FGD1: variants seen among roughly 807,000 people sequenced by gnomAD.
FGD1 encodes the protein FYVE, RhoGEF and PH domain containing 1, also known as FYVE, RhoGEF and PH domain-containing protein 1.
FGD1 carries 12 observed loss-of-function variants against 65.0 expected under a neutral mutation model. That is an observed-to-expected ratio of 0.18 (90% CI 0.12 to 0.30). The LOEUF (loss-of-function observed/expected upper bound fraction) is 0.30, where lower values mean the gene tolerates loss of function less well. Among genes scored for constraint, FGD1 ranks in the 10% least tolerant of loss-of-function variants. The probability of loss-of-function intolerance (pLI) is 1.00; values close to 1 mark genes in which losing one functional copy is unlikely to be tolerated. For missense variants in FGD1, 542 were observed against 837.6 expected, an observed-to-expected ratio of 0.65 and a Z score of 4.36; for synonymous variants, 333 against 343.9, an observed-to-expected ratio of 0.97 and a Z score of 0.35.
At chrX:54,482,234 G>GCACACACA (rs1287986195) in intron 1 of FGD1, among the ~76,000 whole-genome samples, 8 of 70,251 alleles carry the variant, frequency 1.1e-4, no homozygotes, top group South Asian at 5.8e-4. Context: ...GCGCACACGC[G>GCACACACA]CGCACACACA....
chrX:54,473,675 C>G (rs984265173), intron 1 of FGD1, among the ~76,000 whole-genome samples: 1 of 112,600 alleles, frequency 8.9e-6, no homozygotes, highest in African/African-American at 3.2e-5. Flanking sequence ...TATAAGTAAT[C>G]TGGCGATGAT....
In FGD1 at chrX:54,470,136, G is replaced by T; in HGVS notation, c.981C>A (p.Pro327=). 8.3e-7 allele frequency: 1 copy of T among 1,210,386 alleles called. No homozygotes were observed. The highest frequency in any genetic ancestry group is 1.7e-5 in the African/African-American group (1 of 57,794). ...LASVPVALAD[P]HRPGSQEVDS... is the part of the protein sequence containing the mutation. The stretch of plus-strand genomic sequence containing the variant: ...CAACCTCTTGGGAGCCAGGCCGGTG[G>T]GGGTCGGCCAAGGCAACAGGCACAC... Residue 327 remains proline (P), a synonymous_variant, in exon 4 of 18, where the codon CCC becomes CCA. Transcript: ENST00000375135.
At chrX:54,456,805 G>T (rs1337135434) in intron 8 of FGD1, among the ~76,000 whole-genome samples, 4 of 110,210 alleles carry the variant, frequency 3.6e-5, no homozygotes, top group African/African-American at 1.3e-4. Context: ...GCTAATTTTT[G>T]TATTTTTAGT....
In FGD1 at chrX:54,447,380, T is replaced by C. The variant is rs1390875564; in HGVS notation, c.2511A>G (p.Gly837=). 5 of 1,210,401 alleles carry C rather than the reference T, an allele frequency of 4.1e-6. No individual in the cohort carries two copies. Among genetic ancestry groups the C allele is most frequent in the Non-Finnish European group, 3.4e-6 (3 of 895,119 alleles). Reference sequence around the variant, plus strand: ...GGACCACGAACCATGCCTTGTGCCATCCTTTGCCACCCTTCTCCATGTAGT... The same window carrying C: ...GGACCACGAACCATGCCTTGTGCCACCCTTTGCCACCCTTCTCCATGTAGT... ...FLHYMEKGGK[G]WHKAWFVVPE... The change falls in exon 17 of 18, where the codon GGA becomes GGG. Residue 837 remains glycine, a synonymous_variant. Coordinates refer to ENST00000375135, the MANE Select transcript of FGD1 (RefSeq NM_004463.3).
intron 12 of FGD1, among the ~76,000 whole-genome samples, chrX:54,453,382 G>GC (rs1166879207): frequency 4.5e-5 from 5 of 111,252 alleles, no homozygotes; most frequent in African/African-American, 1.6e-4. Context: ...CAGGCCATCT[G>GC]CTGACATGCA....
chrX:54,474,172 G>A (rs952733801), intron 1 of FGD1, among the ~76,000 whole-genome samples: 2 of 111,547 alleles, frequency 1.8e-5, no homozygotes, highest in Non-Finnish European at 3.8e-5. Context: ...CATCCACGGT[G>A]TCCCTGGGTC....
chrX:54,494,806 T>A (rs1923491013), intron 1 of FGD1, among the ~76,000 whole-genome samples: 1 of 111,106 alleles, frequency 9.0e-6, no homozygotes, highest in South Asian at 3.8e-4. Context: ...CCCAACCAAA[T>A]ATCCAAGGAT....
chrX:54,465,972 G>T, intron 6 of FGD1, 120 bp from the exon 7 acceptor site: 1 of 818,177 alleles, frequency 1.2e-6, no homozygotes, highest in Non-Finnish European at 1.8e-6. Flanking sequence ...CTACTTCTCA[G>T]CTAGTCTGCT....
At chrX:54,447,020 G>A (rs1304164315) in intron 17 of FGD1, among the ~76,000 whole-genome samples, 4 of 111,222 alleles carry the variant, frequency 3.6e-5, no homozygotes, top group African/African-American at 1.3e-4. Flanking sequence ...CACTGCGCTC[G>A]GTCCCATCTG....
intron 1 of FGD1, among the ~76,000 whole-genome samples, chrX:54,473,450 C>G (rs1036065620): frequency 1.5e-4 from 17 of 111,988 alleles, no homozygotes; most frequent in African/African-American, 5.5e-4. Flanking sequence ...TGATACCACA[C>G]ACTCAGAAAC....
intron 17 of FGD1, among the ~76,000 whole-genome samples, chrX:54,447,015 C>T (rs1464945447): frequency 1.8e-5 from 2 of 111,406 alleles, no homozygotes; most frequent in South Asian, 3.8e-4. Context: ...TGAGCCACTG[C>T]GCTCGGTCCC....
chrX:54,447,212 T>A (rs1922234570), intron 17 of FGD1, 99 bp downstream of exon 17: 1 of 972,813 alleles, frequency 1.0e-6, no homozygotes, highest in East Asian at 3.1e-5. Context: ...TCACCTTATC[T>A]TCCAAGGCTC....
intron 15 of FGD1, 44 bp downstream of exon 15, chrX:54,449,099 A>G (rs375922720): frequency 8.2e-5 from 99 of 1,209,790 alleles, no homozygotes; most frequent in Non-Finnish European, 1.1e-4. Context: ...TTGGGCTGCC[A>G]TTCTGTCCCC....
At position 54,455,543 on chromosome X, in the gene FGD1, AAG is replaced by A. The variant is rs772917756; in HGVS notation, c.1936-18_1936-17del. 12 of 1,186,060 alleles carry A rather than the reference AAG, an allele frequency of 1.0e-5. No homozygotes were observed. The South Asian group carries it at 2.1e-4, about 21-fold the overall frequency. On this transcript the variant is annotated splice_polypyrimidine_tract_variant and intron_variant, in intron 11 of 17. Coordinates refer to ENST00000375135, the MANE Select transcript of FGD1 (RefSeq NM_004463.3). ...TCTCCTTTAGCTGAATGGAGGCAGAAAGGGGCATGGTGAGGCCACTGAACTCC... is the reference window on the plus strand; with the variant it reads ...TCTCCTTTAGCTGAATGGAGGCAGAAGGGCATGGTGAGGCCACTGAACTCC...
chrX:54,490,664 G>T (rs771189897), intron 1 of FGD1, among the ~76,000 whole-genome samples: 1 of 111,045 alleles, frequency 9.0e-6, no homozygotes, highest in East Asian at 2.8e-4. Flanking sequence ...CAGGCGTTTC[G>T]AATTCAACTT....
intron 1 of FGD1, among the ~76,000 whole-genome samples, chrX:54,491,466 G>A (rs1016155092): frequency 2.7e-5 from 3 of 112,406 alleles, no homozygotes; most frequent in African/African-American, 9.7e-5. Context: ...GCGGTTGGGA[G>A]TGAGTTGACA....
At chrX:54,494,396 G>GTCTT (rs1359778090) in intron 1 of FGD1, among the ~76,000 whole-genome samples, 2 of 91,285 alleles carry the variant, frequency 2.2e-5, no homozygotes, top group Non-Finnish European at 4.1e-5. Flanking sequence ...TCAATCCACC[G>GTCTT]TCTTTCTTTT....
rs138691118 is a variant in FGD1, at chrX:54,467,123, G to A, written c.1340+661C>T. 8.1e-5 allele frequency among the ~76,000 whole-genome samples: 9 copies of A among 110,698 alleles called. No individual in the cohort carries two copies. The East Asian group carries it at 2.0e-3, about 24-fold the overall frequency. ...TTAAAACAACCCTACAAGGTAGGCC[G>A]TTATTATTTCCCCCCATTTTATAGA... On this transcript the variant is annotated intron_variant, in intron 6 of 17. Coordinates refer to ENST00000375135, the MANE Select transcript of FGD1 (RefSeq NM_004463.3).
At chrX:54,455,642 A>G (rs1201824185) in intron 11 of FGD1, 50 bp downstream of exon 11, 1 of 1,119,663 alleles carries the variant, frequency 8.9e-7, no homozygotes, top group South Asian at 1.9e-5. Context: ...GTTCCTCCCA[A>G]CACCAATGCC....
Sources: gnomAD v4.1 joint callset for allele counts (sites outside exome capture counted in the v4.1 genomes callset) on GRCh38, gnomAD v4.1.1 for gene constraint, MANE v1.5 for transcripts, NCBI Gene and HGNC (gene_info 2026-07-23, HGNC 2026-07-21) for gene names.